EXT1: variants seen among roughly 807,000 people sequenced by gnomAD.
EXT1 encodes the protein exostosin-1.
EXT1 carries 20 observed loss-of-function variants against 82.5 expected under a neutral mutation model. The observed-to-expected ratio is 0.24, with a 90% CI of 0.17 to 0.35. The LOEUF is 0.35. Ranked by LOEUF, EXT1 falls within the 10% of genes least tolerant of loss-of-function variation. The pLI is 1.00. For synonymous variants in EXT1, 348 were observed against 350.8 expected, an observed-to-expected ratio of 0.99 and a Z score of 0.09; for missense variants, 757 against 936.5, an observed-to-expected ratio of 0.81 and a Z score of 2.50.
intron 1 of EXT1, among the ~76,000 whole-genome samples, chr8:118,029,723 C>T (rs1816273870): frequency 6.6e-6 from 1 of 152,108 alleles, no homozygotes; most frequent in South Asian, 2.1e-4. Context: ...TGTGATAGGC[C>T]AATAATGTCA....
chr8:117,933,340 G>C (rs751925910), intron 1 of EXT1, among the ~76,000 whole-genome samples: 1 of 150,848 alleles, frequency 6.6e-6, no homozygotes, highest in Non-Finnish European at 1.5e-5. Flanking sequence ...TCCACCTCTC[G>C]GGTTCAAGCA....
At position 117,858,766 on chromosome 8, in the gene EXT1, A is replaced by AGGCAGGCAGGCAGGC. The variant is rs1554581731; in HGVS notation, c.963-21566_963-21565insGCCTGCCTGCCTGCC. Among the ~76,000 whole-genome samples, 197 of 54,602 alleles carry AGGCAGGCAGGCAGGC rather than the reference A, an allele frequency of 3.6e-3. 1 individual carries two copies. Among genetic ancestry groups the AGGCAGGCAGGCAGGC allele is most frequent in the Admixed American group, 5.5e-3 (30 of 5,426 alleles). The allele number at this position is 54,602 out of a possible 152,430, so 35.8% of individuals were successfully genotyped here. On this transcript the variant is annotated intron_variant, in intron 1 of 10. Transcript: ENST00000378204. ...GAAGGAAGGAAGGAAGGAAGGAAGG[A>AGGCAGGCAGGCAGGC]AGGCAGGCAGGCAGGCAGGCAGGCA...
chr8:117,866,267 AT>A (rs1337975836), intron 1 of EXT1, among the ~76,000 whole-genome samples: 5 of 152,296 alleles, frequency 3.3e-5, no homozygotes, highest in African/African-American at 9.6e-5. Context: ...AATACTAAAA[AT>A]ATTTTTAATT....
intron 1 of EXT1, among the ~76,000 whole-genome samples, chr8:118,069,375 T>C (rs1817047363): frequency 6.6e-6 from 1 of 152,214 alleles, no homozygotes; most frequent in Non-Finnish European, 1.5e-5. Context: ...TTCAGCCCAG[T>C]ACCCCGTCTA....
intron 1 of EXT1, among the ~76,000 whole-genome samples, chr8:117,872,195 A>G (rs1812886118): frequency 6.6e-6 from 1 of 152,114 alleles, no homozygotes; most frequent in African/African-American, 2.4e-5. Context: ...AAAAAATAAG[A>G]TGATGATACA....
intron 1 of EXT1, among the ~76,000 whole-genome samples, chr8:117,992,719 C>A (rs752708834): frequency 9.2e-5 from 14 of 152,270 alleles, no homozygotes; most frequent in Non-Finnish European, 1.8e-4. Context: ...AGCCAGATAA[C>A]CACTCAAAGG....
At chr8:118,100,477 C>T (rs1254241351) in intron 1 of EXT1, among the ~76,000 whole-genome samples, 12 of 152,098 alleles carry the variant, frequency 7.9e-5, no homozygotes, top group Admixed American at 2.0e-4. Flanking sequence ...AGGCGGGGTG[C>T]GGAGGCTCAC....
At chr8:117,929,275 T>C (rs189277851) in intron 1 of EXT1, among the ~76,000 whole-genome samples, 23 of 152,212 alleles carry the variant, frequency 1.5e-4, no homozygotes, top group Admixed American at 3.9e-4. Context: ...GAAACTAACA[T>C]GAGCTCAAAA....
intron 2 of EXT1, among the ~76,000 whole-genome samples, chr8:117,836,325 G>A (rs1008087240): frequency 1.3e-5 from 2 of 152,200 alleles, no homozygotes; most frequent in Admixed American, 6.5e-5. Flanking sequence ...ACATTCCAGA[G>A]AAGGAAGCTC....
chr8:117,924,489 C>A (rs1329913236), intron 1 of EXT1, among the ~76,000 whole-genome samples: 3 of 152,208 alleles, frequency 2.0e-5, no homozygotes, highest in African/African-American at 4.8e-5. Context: ...TCTTTCCAAA[C>A]CTTCTGAGTA....
At chr8:117,915,973 G>A (rs1167476150) in intron 1 of EXT1, among the ~76,000 whole-genome samples, 1 of 152,250 alleles carries the variant, frequency 6.6e-6, no homozygotes, top group Non-Finnish European at 1.5e-5. Context: ...AAGCAGAGGT[G>A]CTGTGGGCTC....
At chr8:117,989,078 A>AAC (rs1241170421) in intron 1 of EXT1, among the ~76,000 whole-genome samples, 1 of 151,770 alleles carries the variant, frequency 6.6e-6, no homozygotes, top group Non-Finnish European at 1.5e-5. Flanking sequence ...AAAAAAAAAA[A>AAC]AACTATTTTA....
chr8:118,056,759 G>T (rs777128491), intron 1 of EXT1, among the ~76,000 whole-genome samples: 1 of 152,158 alleles, frequency 6.6e-6, no homozygotes, highest in Admixed American at 6.5e-5. Flanking sequence ...TCAGAAGAAC[G>T]CTTTGACAAG....
chr8:117,819,720 A>G lies in EXT1; in HGVS notation c.1492T>C (p.Leu498=), dbSNP rs748823575. The part of the protein sequence containing the change: ...TPLVSQSQPV[L]KLLVAAAKSQ... ...TTGGCTGCAGCCACGAGAAGCTTCA[A>G]CACTGGCTGGGACTGAGAGACCAGG... The change falls in exon 6 of 11, where the codon TTG becomes CTG. Residue 498 remains leucine, a synonymous_variant. Coordinates refer to ENST00000378204, the MANE Select transcript of EXT1 (RefSeq NM_000127.3). 1 of 1,613,134 alleles carries G rather than the reference A, an allele frequency of 6.2e-7. No homozygotes were observed. Among genetic ancestry groups the G allele is most frequent in the Non-Finnish European group, 8.5e-7 (1 of 1,180,040 alleles).
intron 1 of EXT1, among the ~76,000 whole-genome samples, chr8:117,948,312 G>C (rs1265371615): frequency 1.4e-4 from 14 of 97,004 alleles, no homozygotes; most frequent in South Asian, 6.5e-4. Context: ...CATTCTGACT[G>C]CCCTTGCCAA....
At chr8:117,833,020 T>C (rs1265281023) in intron 3 of EXT1, among the ~76,000 whole-genome samples, 1 of 152,092 alleles carries the variant, frequency 6.6e-6, no homozygotes, top group Non-Finnish European at 1.5e-5. Flanking sequence ...ATGACAAGAA[T>C]ATATGCAAAT....
chr8:117,875,747 G>A (rs965814288), intron 1 of EXT1, among the ~76,000 whole-genome samples: 9 of 152,230 alleles, frequency 5.9e-5, no homozygotes, highest in Admixed American at 2.6e-4. Flanking sequence ...AAAGGACAGA[G>A]AAGAATATAA....
intron 1 of EXT1, among the ~76,000 whole-genome samples, chr8:118,095,427 A>G (rs575044318): frequency 6.6e-6 from 1 of 152,332 alleles, no homozygotes; most frequent in African/African-American, 2.4e-5. Context: ...CTGAATCAAT[A>G]AAAGACTGAC....
intron 1 of EXT1, among the ~76,000 whole-genome samples, chr8:117,875,634 T>C (rs371415832): frequency 6.6e-6 from 1 of 152,154 alleles, no homozygotes; most frequent in Non-Finnish European, 1.5e-5. Context: ...TTCAGGGTCA[T>C]TTTTATTTGT....
Sources: gnomAD v4.1 joint callset for allele counts (sites outside exome capture counted in the v4.1 genomes callset) on GRCh38, gnomAD v4.1.1 for gene constraint, MANE v1.5 for transcripts, NCBI Gene and HGNC (gene_info 2026-07-23, HGNC 2026-07-21) for gene names.